Variants in FBLIM1 observed in about 807,000 individuals in gnomAD.
The protein encoded by FBLIM1 is filamin-binding LIM protein 1.
FBLIM1 carries 29 observed loss-of-function variants against 37.4 expected under a neutral mutation model. The ratio of observed to expected loss-of-function variants is 0.77; its 90% CI spans 0.58 to 1.06. The LOEUF is 1.06. Ranked by LOEUF, FBLIM1 falls within the 50% of genes least tolerant of loss-of-function variation. The pLI is 0.00. For synonymous variants in FBLIM1, 193 were observed against 199.0 expected, an observed-to-expected ratio of 0.97 and a Z score of 0.25; for missense variants, 449 against 505.6, an observed-to-expected ratio of 0.89 and a Z score of 1.07.
intron 6 of FBLIM1, among the ~76,000 whole-genome samples, chr1:15,772,587 C>T (rs1039443949): frequency 1.3e-5 from 2 of 152,118 alleles, no homozygotes; most frequent in African/African-American, 4.8e-5. Context: ...AGAGGGAAGC[C>T]CACTGCCCTG....
At chr1:15,761,897 C>T (rs925996263) in intron 1 of FBLIM1, among the ~76,000 whole-genome samples, 1 of 152,116 alleles carries the variant, frequency 6.6e-6, no homozygotes, top group African/African-American at 2.4e-5. Context: ...ACATTTTTAG[C>T]CCTGGGCACA....
rs907741043 is a variant in FBLIM1, at chr1:15,776,798, G to A, written c.891-372G>A. 2.7e-5 allele frequency among the ~76,000 whole-genome samples: 4 copies of A among 148,034 alleles called. No individual in the cohort carries two copies. The South Asian group carries it at 8.6e-4, about 32-fold the overall frequency. On this transcript the variant is annotated intron_variant, in intron 7 of 8. Coordinates refer to ENST00000375766, the MANE Select transcript of FBLIM1 (RefSeq NM_017556.4). ...AATCACTTGAACCTGGGAGGTGGAG[G>A]TTGCAGTGAGCTGAGATTGCATCAT...
intron 8 of FBLIM1, among the ~76,000 whole-genome samples, chr1:15,778,764 C>T (rs544475940): frequency 6.6e-6 from 1 of 152,184 alleles, no homozygotes; most frequent in African/African-American, 2.4e-5. Flanking sequence ...CCTCAGCCTC[C>T]CGAGTAATTG....
chr1:15,779,598 C>T (rs560199728), intron 8 of FBLIM1, among the ~76,000 whole-genome samples: 5 of 152,230 alleles, frequency 3.3e-5, no homozygotes, highest in South Asian at 2.1e-4. Flanking sequence ...CCACTGCACC[C>T]GGCCAGAAGT....
At chr1:15,762,639 G>A (rs892583696) in intron 1 of FBLIM1, among the ~76,000 whole-genome samples, 1 of 152,120 alleles carries the variant, frequency 6.6e-6, no homozygotes, top group Non-Finnish European at 1.5e-5. Context: ...TCAAGTGATC[G>A]CCTACCTCCC....
At chr1:15,772,720 G>A (rs1275603734) in intron 6 of FBLIM1, among the ~76,000 whole-genome samples, 1 of 152,144 alleles carries the variant, frequency 6.6e-6, no homozygotes, top group Non-Finnish European at 1.5e-5. Context: ...TTGGGAGGCT[G>A]AGGTGGGAGG....
chr1:15,774,536 G>C, intron 6 of FBLIM1, 82 bp from the exon 7 acceptor site: 1 of 1,525,580 alleles, frequency 6.6e-7, no homozygotes, highest in Non-Finnish European at 8.8e-7. Flanking sequence ...GGGCCCCTGA[G>C]GGCAGCCTCT....
chr1:15,778,857 G>T (rs893010356), intron 8 of FBLIM1, among the ~76,000 whole-genome samples: 2 of 151,962 alleles, frequency 1.3e-5, no homozygotes, highest in Admixed American at 6.6e-5. Context: ...GGTCAGGCTG[G>T]TCTCAAACTC....
At chr1:15,778,973 C>T (rs549058420) in intron 8 of FBLIM1, among the ~76,000 whole-genome samples, 58 of 151,552 alleles carry the variant, frequency 3.8e-4, no homozygotes, top group African/African-American at 1.3e-3. Flanking sequence ...CTCACTCTGT[C>T]TCCCAAGTTA....
Position 15,774,657 on chromosome 1 carries a change from C to T in FBLIM1, c.751C>T (p.Arg251Trp), listed in dbSNP as rs201178759. The change falls in exon 7 of 9, where the codon CGG (arginine) becomes TGG (tryptophan). Residue 251 changes from arginine to tryptophan, a missense_variant. Physicochemically the swap from Arg to Trp is moderately radical, Grantham distance 101. Coordinates refer to ENST00000375766, the MANE Select transcript of FBLIM1 (RefSeq NM_017556.4). ...GTGCGGCAAGTGTGGCGAGGTGGTC[C>T]GGGACCACATCATCAGGGCCCTGGG... Reference protein sequence around the residue: ...ERCGKCGEVVRDHIIRALGQA... With the variant: ...ERCGKCGEVVWDHIIRALGQA... The T allele has an allele frequency of 3.1e-4, 496 of 1,613,786 alleles. No homozygotes were observed. The highest frequency in any genetic ancestry group is 4.0e-4 in the Non-Finnish European group (474 of 1,179,976).
At chr1:15,768,912 C>T (rs1457817982) in intron 5 of FBLIM1, among the ~76,000 whole-genome samples, 1 of 152,144 alleles carries the variant, frequency 6.6e-6, no homozygotes, top group Non-Finnish European at 1.5e-5. Flanking sequence ...CTAATGCCCT[C>T]ACACAGTGCA....
intron 7 of FBLIM1, among the ~76,000 whole-genome samples, chr1:15,776,739 G>C (rs978400988): frequency 2.0e-5 from 3 of 151,836 alleles, no homozygotes; most frequent in Non-Finnish European, 4.4e-5. Context: ...GTGCCTGCCT[G>C]TAGTCCCAGC....
chr1:15,777,572 A>AT (rs35178526), intron 8 of FBLIM1, among the ~76,000 whole-genome samples: 20,708 of 121,564 alleles, frequency 0.17, 2,285 homozygotes, highest in South Asian at 0.32. Context: ...GACTCTCTCC[A>AT]TTTTTTTTTT....
Position 15,785,013 on chromosome 1 carries a change from A to G in FBLIM1, c.*352A>G, listed in dbSNP as rs750211233. The G allele has an allele frequency of 4.1e-5, 8 of 193,950 alleles. No individual in the cohort carries two copies. The highest frequency in any genetic ancestry group is 8.5e-5 in the Non-Finnish European group (8 of 94,528). The allele number at this position is 193,950 out of a possible 1,614,324, so 12.0% of individuals were successfully genotyped here. A position where few individuals can be genotyped will look rare whatever the true frequency, so the allele number is the denominator to read the frequency against. On this transcript the variant is annotated 3_prime_UTR_variant, in exon 9 of 9. Transcript: ENST00000375766. ...CTCGCCTGTGGGGTTGAGCTGTTTGAGGACAAACTCCAAGGTCCCTTAAAA... is the reference window on the plus strand; with the variant it reads ...CTCGCCTGTGGGGTTGAGCTGTTTGGGGACAAACTCCAAGGTCCCTTAAAA...
intron 6 of FBLIM1, among the ~76,000 whole-genome samples, chr1:15,770,928 T>C (rs1252584554): frequency 6.6e-6 from 1 of 151,488 alleles, no homozygotes; most frequent in Non-Finnish European, 1.5e-5. Context: ...TTTCTTTTTT[T>C]CTTCTTCTTC....
intron 8 of FBLIM1, among the ~76,000 whole-genome samples, chr1:15,783,305 A>G (rs978036098): frequency 2.6e-5 from 4 of 151,994 alleles, no homozygotes; most frequent in African/African-American, 9.7e-5. Context: ...GAAAATATTA[A>G]TGTTTGTGCT....
chr1:15,772,666 T>C (rs2069275655), intron 6 of FBLIM1, among the ~76,000 whole-genome samples: 1 of 152,066 alleles, frequency 6.6e-6, no homozygotes, highest in Admixed American at 6.6e-5. Context: ...TGAATGCATG[T>C]ATACCAGCCA....
Position 15,768,530 on chromosome 1 carries a change from C to G in FBLIM1, c.441C>G (p.Ala147=). Residue 147 remains alanine, a splice_region_variant and synonymous_variant, in exon 5 of 9, where the codon GCC becomes GCG. Transcript: ENST00000375766. ...HLSPPPPPPQ[A]PAEGPSVQPG... Reference sequence around the variant, plus strand: ...ACTCCCCGTCTGCATCCCCACAGGCCCCAGCGGAGGGACCTTCAGTCCAGC... The same window carrying G: ...ACTCCCCGTCTGCATCCCCACAGGCGCCAGCGGAGGGACCTTCAGTCCAGC... 6.3e-7 allele frequency: 1 copy of G among 1,575,480 alleles called. No homozygotes were observed. Among genetic ancestry groups the G allele is most frequent in the South Asian group, 1.2e-5 (1 of 84,206 alleles).
chr1:15,773,544 G>A (rs1239282810), intron 6 of FBLIM1, among the ~76,000 whole-genome samples: 3 of 150,220 alleles, frequency 2.0e-5, no homozygotes, highest in African/African-American at 7.4e-5. Flanking sequence ...GCCGGATGTG[G>A]TGGCGCATGC....
Sources: allele counts gnomAD v4.1 joint callset (sites outside exome capture counted in the v4.1 genomes callset), GRCh38; gene constraint gnomAD v4.1.1; transcripts MANE v1.5; gene names NCBI Gene and HGNC (gene_info 2026-07-23, HGNC 2026-07-21).